The following RYR3 variants were observed in gnomAD, a reference collection of about 807,000 sequenced individuals.
The protein encoded by RYR3 is ryanodine receptor 3.
In RYR3, 207 loss-of-function variants were observed where a neutral mutation model predicts 584.3. The observed-to-expected ratio is 0.35, with a 90% CI of 0.32 to 0.40. The LOEUF is 0.40. Among genes scored for constraint, RYR3 ranks in the 10% least tolerant of loss-of-function variants. The pLI, the probability that RYR3 is intolerant of heterozygous loss-of-function variation, is 1.00. For synonymous variants in RYR3, 2,416 were observed against 2,248.5 expected (o/e 1.07, Z -2.11); for missense variants, 5,616 against 6,089.2 (o/e 0.92, Z 2.59).
chr15:33,621,077 G>A (rs1277996443), intron 19 of RYR3, among the ~76,000 whole-genome samples: 3 of 152,254 alleles, frequency 2.0e-5, no homozygotes, highest in South Asian at 2.1e-4. Flanking sequence ...AAAACTAAGC[G>A]TTGTTCTCAT....
Position 33,854,792 on chromosome 15 carries a change from A to T in RYR3, c.13887A>T (p.Thr4629=). Residue 4629 remains threonine, a synonymous_variant, in exon 98 of 104, where the codon ACA becomes ACT. Transcript: ENST00000634891. The part of the protein sequence containing the change: ...DNSFLYLAWY[T]TMSVLGHYNN... ...CCTTTCTCTACCTTGCCTGGTATAC[A>T]ACCATGTCAGTCCTGGGCCACTACA... 1 of 1,612,660 alleles carries T rather than the reference A, an allele frequency of 6.2e-7. No homozygotes were observed. Among genetic ancestry groups the T allele is most frequent in the Non-Finnish European group, 8.5e-7 (1 of 1,179,506 alleles).
At position 33,342,425 on chromosome 15, in the gene RYR3, T is replaced by C. The variant is rs955526875; in HGVS notation, c.51+31329T>C. Among the ~76,000 whole-genome samples the C allele has an allele frequency of 5.3e-5, 8 of 152,344 alleles. 1 individual carries two copies. The highest frequency in any genetic ancestry group is 4.6e-4 in the Admixed American group (7 of 15,300). ...ATTGGGATTTAGCATTATGTTAGTT[T>C]CCTGATCACAGCCCTTGATGCCAGT... is the stretch of plus-strand genomic sequence containing the variant. On this transcript the variant is annotated intron_variant, in intron 1 of 103. Transcript: ENST00000634891.
chr15:33,725,180 C>CACACACATATAT (rs1555427022), intron 45 of RYR3, among the ~76,000 whole-genome samples: 23 of 143,898 alleles, frequency 1.6e-4, no homozygotes, highest in East Asian at 4.6e-4. Context: ...CACACACACA[C>CACACACATATAT]ACACACACAC....
At chr15:33,406,656 C>G (rs980961958) in intron 1 of RYR3, among the ~76,000 whole-genome samples, 3 of 152,186 alleles carry the variant, frequency 2.0e-5, no homozygotes, top group African/African-American at 7.2e-5. Context: ...GGGATACAGG[C>G]TGAAGCCTTG....
chr15:33,435,638 A>G (rs1264341720), intron 1 of RYR3, among the ~76,000 whole-genome samples: 2 of 152,114 alleles, frequency 1.3e-5, no homozygotes, highest in African/African-American at 4.8e-5. Flanking sequence ...GCTCTTGCTA[A>G]CTTCAAGAAT....
At chr15:33,687,404 A>G (rs1051875788) in intron 38 of RYR3, among the ~76,000 whole-genome samples, 1 of 152,230 alleles carries the variant, frequency 6.6e-6, no homozygotes, top group South Asian at 2.1e-4. Flanking sequence ...CTGCTCAATG[A>G]AATGAAAGAG....
chr15:33,648,144 G>A (rs1319912524), intron 30 of RYR3, among the ~76,000 whole-genome samples: 2 of 152,096 alleles, frequency 1.3e-5, no homozygotes, highest in African/African-American at 2.4e-5. Context: ...CACTGTGCTC[G>A]GCACATTGTT....
chr15:33,838,112 T>A lies in RYR3; in HGVS notation c.12132T>A (p.Val4044=). Residue 4044 remains valine, a synonymous_variant, in exon 89 of 104, where the codon GTT becomes GTA. Coordinates refer to ENST00000634891, the MANE Select transcript of RYR3 (RefSeq NM_001036.6). The part of the protein sequence containing the change: ...IMGGAKKIER[V]YFEISESSRT... ...GTGGGGCCAAGAAGATTGAGCGTGT[T>A]TATTTTGAGATCAGTGAATCCAGTC... The A allele has an allele frequency of 1.2e-6, 2 of 1,613,780 alleles. No homozygotes were observed. The highest frequency in any genetic ancestry group is 1.1e-5 in the South Asian group (1 of 91,056).
At chr15:33,519,900 G>GT (rs2053845417) in intron 3 of RYR3, among the ~76,000 whole-genome samples, 1 of 152,162 alleles carries the variant, frequency 6.6e-6, no homozygotes, top group Admixed American at 6.5e-5. Flanking sequence ...CAAGATCGCT[G>GT]TTTGTTTTGC....
At chr15:33,711,235 ATTTTTTTTTTTTTT>A (rs143373949) in intron 43 of RYR3, among the ~76,000 whole-genome samples, 1 of 75,808 alleles carries the variant, frequency 1.3e-5, no homozygotes. Flanking sequence ...TCTTTCTTTC[ATTTTTTTTTTTTTT>A]TTTTTTTTTT....
At chr15:33,459,308 T>C (rs945503191) in intron 1 of RYR3, among the ~76,000 whole-genome samples, 1 of 152,214 alleles carries the variant, frequency 6.6e-6, no homozygotes, top group Non-Finnish European at 1.5e-5. Context: ...GTTATATCCC[T>C]TCCTCACCCG....
At chr15:33,846,836 G>A (rs55980511) in intron 93 of RYR3, among the ~76,000 whole-genome samples, 4,996 of 152,278 alleles carry the variant, frequency 0.033, 159 homozygotes, top group Non-Finnish European at 0.039. Context: ...AAATGTAGAG[G>A]TATGTGTAAA....
In RYR3 at chr15:33,318,925, C is replaced by A. The variant is rs563656957; in HGVS notation, c.51+7829C>A. On this transcript the variant is annotated intron_variant, in intron 1 of 103. Coordinates refer to ENST00000634891, the MANE Select transcript of RYR3 (RefSeq NM_001036.6). ...CATTAACACGTCACTCATACTAATC[C>A]CAAGCAAATGCTCCAGAGCCCCTGA... 7.2e-5 allele frequency among the ~76,000 whole-genome samples: 11 copies of A among 152,202 alleles called. No homozygotes were observed. The East Asian group carries it at 1.9e-3, about 27-fold the overall frequency.
intron 2 of RYR3, among the ~76,000 whole-genome samples, chr15:33,495,325 G>A (rs1240179925): frequency 6.6e-6 from 1 of 152,188 alleles, no homozygotes; most frequent in African/African-American, 2.4e-5. Flanking sequence ...TCTATCTCCA[G>A]GGATATTGAT....
At position 33,635,670 on chromosome 15, in the gene RYR3, C is replaced by A. The variant is rs2061465579; in HGVS notation, c.3232C>A (p.Arg1078=). The A allele has an allele frequency of 6.2e-7, 1 of 1,613,794 alleles. No individual in the cohort carries two copies. Among genetic ancestry groups the A allele is most frequent in the South Asian group, 1.1e-5 (1 of 91,048 alleles). ...IDKIRFFRVE[R]SYAVRSGKWY... is the part of the protein sequence containing the mutation. ...CAAGATCCGATTTTTCCGGGTAGAGCGATCTTATGCAGTGAGATCTGGAAA... is the reference window on the plus strand; with the variant it reads ...CAAGATCCGATTTTTCCGGGTAGAGAGATCTTATGCAGTGAGATCTGGAAA... The change falls in exon 26 of 104, where the codon CGA becomes AGA. Residue 1078 remains arginine (R), a synonymous_variant. Transcript: ENST00000634891.
At chr15:33,861,255 T>C in intron 102 of RYR3, 77 bp downstream of exon 102, 1 of 1,099,672 alleles carries the variant, frequency 9.1e-7, no homozygotes, top group East Asian at 2.7e-5. Context: ...GTTCAGTCTC[T>C]GCTGGAAAAA....
At chr15:33,703,459 G>A (rs1037304694) in intron 42 of RYR3, among the ~76,000 whole-genome samples, 2 of 152,170 alleles carry the variant, frequency 1.3e-5, no homozygotes, top group Admixed American at 6.5e-5. Context: ...CTTGCAGATG[G>A]CCACTGTTTT....
intron 2 of RYR3, among the ~76,000 whole-genome samples, chr15:33,499,844 C>G (rs749874843): frequency 6.6e-6 from 1 of 152,312 alleles, no homozygotes; most frequent in East Asian, 1.9e-4. Context: ...ATGGTGCCTT[C>G]AGAGCCATTG....
At chr15:33,811,534 C>G (rs1363760288) in intron 72 of RYR3, among the ~76,000 whole-genome samples, 1 of 149,952 alleles carries the variant, frequency 6.7e-6, no homozygotes, top group Non-Finnish European at 1.5e-5. Flanking sequence ...AGTACTGGTA[C>G]ATAAACTGCC....
Sources: gnomAD v4.1 joint callset for allele counts (sites outside exome capture counted in the v4.1 genomes callset) on GRCh38, gnomAD v4.1.1 for gene constraint, MANE v1.5 for transcripts, NCBI Gene and HGNC (gene_info 2026-07-23, HGNC 2026-07-21) for gene names.